ADPGK: variants seen among roughly 807,000 people sequenced by gnomAD.
ADPGK encodes ADP-dependent glucokinase.
In ADPGK, 26 loss-of-function variants were observed where a neutral mutation model predicts 42.4. The ratio of observed to expected loss-of-function variants is 0.61; its 90% CI spans 0.45 to 0.85. ADPGK has a LOEUF of 0.85. Ranked by LOEUF, ADPGK falls within the 40% of genes least tolerant of loss-of-function variation. ADPGK has a pLI of 0.00. For synonymous variants in ADPGK, 267 were observed against 252.6 expected, an observed-to-expected ratio of 1.06 and a Z score of -0.54; for missense variants, 571 against 627.0, an observed-to-expected ratio of 0.91 and a Z score of 0.95.
chr15:72,771,758 G>A (rs1278267032), intron 3 of ADPGK, 25 bp downstream of exon 3: 2 of 1,597,340 alleles, frequency 1.3e-6, no homozygotes, highest in Non-Finnish European at 1.7e-6. Context: ...AAAGGCATAG[G>A]TTTTAATCTA....
intron 1 of ADPGK, among the ~76,000 whole-genome samples, chr15:72,779,411 A>AT (rs1263149693): frequency 1.9e-4 from 29 of 151,706 alleles, no homozygotes; most frequent in Admixed American, 1.2e-3. Flanking sequence ...ACCACGCCTA[A>AT]TTTTTTTATT....
chr15:72,775,162 A>T, intron 1 of ADPGK, 65 bp from the exon 2 acceptor site: 1 of 1,383,798 alleles, frequency 7.2e-7, no homozygotes, highest in Non-Finnish European at 1.0e-6. Context: ...TGCATTTAAC[A>T]AAAGGAAAAT....
chr15:72,783,311 C>T (rs2066491944), intron 1 of ADPGK, 148 bp downstream of exon 1: 1 of 1,272,848 alleles, frequency 7.9e-7, no homozygotes, highest in Non-Finnish European at 9.9e-7. Context: ...CCGGGTTCCA[C>T]TCAGACGTCC....
At chr15:72,761,338 A>G (rs1481800136) in intron 3 of ADPGK, among the ~76,000 whole-genome samples, 1 of 152,228 alleles carries the variant, frequency 6.6e-6, no homozygotes, top group Non-Finnish European at 1.5e-5. Flanking sequence ...AAGTTTCTGG[A>G]TCACCATATC....
At chr15:72,774,320 C>T (rs2066363690) in intron 2 of ADPGK, among the ~76,000 whole-genome samples, 1 of 152,070 alleles carries the variant, frequency 6.6e-6, no homozygotes, top group Non-Finnish European at 1.5e-5. Context: ...TGGGAGATAA[C>T]CAACCAACCA....
At chr15:72,756,549 G>T in intron 4 of ADPGK, 102 bp from the exon 5 acceptor site, 3 of 1,307,152 alleles carry the variant, frequency 2.3e-6, no homozygotes, top group Non-Finnish European at 3.2e-6. Context: ...TTGGCTCCAA[G>T]CAGGCTGGTT....
intron 1 of ADPGK, among the ~76,000 whole-genome samples, chr15:72,778,666 C>T (rs12594844): frequency 3.3e-5 from 5 of 152,106 alleles, no homozygotes; most frequent in South Asian, 2.1e-4. Context: ...AAGGCAAAGA[C>T]GATGTTTCCT....
chr15:72,764,806 T>C (rs2066237837), intron 3 of ADPGK, among the ~76,000 whole-genome samples: 1 of 152,188 alleles, frequency 6.6e-6, no homozygotes. Flanking sequence ...ACTCTCTTTT[T>C]GGGGCTAACA....
In ADPGK at chr15:72,752,689, G is replaced by T. The variant is rs548280810; in HGVS notation, c.1146C>A (p.His382Gln). 3 of 1,614,240 alleles carry T rather than the reference G, an allele frequency of 1.9e-6. No individual in the cohort carries two copies. The African/African-American group carries it at 4.0e-5, about 22-fold the overall frequency. The change falls in exon 7 of 7, where the codon CAC (histidine) becomes CAA (glutamine). Residue 382 changes from histidine (H) to glutamine (Q), a missense_variant. By Grantham distance (24) the His-to-Gln change is conservative (BLOSUM62 0). Around this residue, in one of 2 missense-constraint regions of ADPGK, gnomAD observed 434 missense variants for 522.7 expected, o/e 0.83. Transcript: ENST00000456471. The stretch of plus-strand genomic sequence containing the variant: ...TTGCCAGGATGTGGTAGACCAGCGT[G>T]TGGAAATGGATCCTGGTGAGATCCG... ...RASDLTRIHF[H>Q]TLVYHILATV... is the part of the protein sequence containing the mutation.
At chr15:72,758,041 G>A in intron 4 of ADPGK, 1 of 1,595,308 alleles carries the variant, frequency 6.3e-7, no homozygotes, top group Non-Finnish European at 8.6e-7. Flanking sequence ...TGAGATCTGT[G>A]AAATTCTGTA....
In ADPGK at chr15:72,755,659, A is replaced by C. The variant is rs377474557; in HGVS notation, c.841-5T>G. The stretch of plus-strand genomic sequence containing the variant: ...GTCAGAAATGGAGGTTACAACCTGC[A>C]AAGAGAAGAAGATAAGCACTGCCAT... On this transcript the variant is annotated splice_region_variant and splice_polypyrimidine_tract_variant and intron_variant, in intron 5 of 6. Transcript: ENST00000456471. The C allele has an allele frequency of 1.2e-6, 2 of 1,602,438 alleles. No individual in the cohort carries two copies. Among genetic ancestry groups the C allele is most frequent in the Non-Finnish European group, 1.7e-6 (2 of 1,169,688 alleles).
chr15:72,783,694 G>T lies in ADPGK; in HGVS notation c.-3C>A, dbSNP rs960436906. On this transcript the variant is annotated 5_prime_UTR_variant, in exon 1 of 7. Coordinates refer to ENST00000456471, the MANE Select transcript of ADPGK (RefSeq NM_001365225.1). ...GCGGAGCCGCGCCACAGCGCCATGGGGACCCAGGCGCCGCACCTGCGCGAA... is the reference window on the plus strand; with the variant it reads ...GCGGAGCCGCGCCACAGCGCCATGGTGACCCAGGCGCCGCACCTGCGCGAA... The T allele has an allele frequency of 6.8e-7, 1 of 1,470,942 alleles. No individual in the cohort carries two copies. The highest frequency in any genetic ancestry group is 8.9e-7 in the Non-Finnish European group (1 of 1,117,860). The allele number at this position is 1,470,942 out of a possible 1,614,324, so 91.1% of individuals were successfully genotyped here.
chr15:72,777,311 A>G (rs960414220), intron 1 of ADPGK, among the ~76,000 whole-genome samples: 16 of 152,326 alleles, frequency 1.1e-4, no homozygotes, highest in Non-Finnish European at 1.9e-4. Flanking sequence ...GTCTAAAAAA[A>G]TTGTATCCAA....
intron 1 of ADPGK, among the ~76,000 whole-genome samples, chr15:72,777,317 TC>T (rs1423289928): frequency 9.2e-5 from 14 of 152,116 alleles, no homozygotes; most frequent in African/African-American, 3.4e-4. Context: ...AAAAATTGTA[TC>T]CAAATGGATT....
At chr15:72,754,331 A>T (rs979209958) in intron 6 of ADPGK, among the ~76,000 whole-genome samples, 1 of 152,182 alleles carries the variant, frequency 6.6e-6, no homozygotes, top group Admixed American at 6.5e-5. Context: ...ATGACGAGGG[A>T]TGACTGTATA....
chr15:72,776,553 A>T (rs2066394871), intron 1 of ADPGK, among the ~76,000 whole-genome samples: 1 of 152,232 alleles, frequency 6.6e-6, no homozygotes, highest in African/African-American at 2.4e-5. Context: ...AAAAATGAAG[A>T]GGAATGAGAC....
chr15:72,770,941 A>G (rs2066321963), intron 3 of ADPGK, among the ~76,000 whole-genome samples: 1 of 152,178 alleles, frequency 6.6e-6, no homozygotes, highest in South Asian at 2.1e-4. Flanking sequence ...GACTGTTCAC[A>G]GTCTGTTTTC....
chr15:72,758,394 G>C (rs898467629), intron 4 of ADPGK: 2 of 546,862 alleles, frequency 3.7e-6, no homozygotes, highest in South Asian at 3.9e-5. Context: ...GCCTGACAAT[G>C]GGCTTCTCTG....
At chr15:72,779,663 A>G (rs571005671) in intron 1 of ADPGK, among the ~76,000 whole-genome samples, 1 of 152,248 alleles carries the variant, frequency 6.6e-6, no homozygotes, top group African/African-American at 2.4e-5. Context: ...CCTTTTCACC[A>G]GCCCCTTAAT....
Sources: gnomAD v4.1 joint callset for allele counts (sites outside exome capture counted in the v4.1 genomes callset) on GRCh38, gnomAD v4.1.1 for gene constraint, gnomAD v4.1.1 regional missense constraint, MANE v1.5 for transcripts, NCBI Gene and HGNC (gene_info 2026-07-23, HGNC 2026-07-21) for gene names.